Variants in VOPP1 observed in about 807,000 individuals in gnomAD.
The protein encoded by VOPP1 is WW domain binding protein VOPP1.
Under a neutral mutation model 23.5 loss-of-function variants are expected in VOPP1, and 8 were observed. The ratio of observed to expected loss-of-function variants is 0.34; its 90% confidence interval spans 0.20 to 0.61. The LOEUF is 0.61. VOPP1 is among the 20% of genes least tolerant of loss of function. The pLI is 0.78. For synonymous variants in VOPP1, 83 were observed against 97.3 expected (o/e 0.85, Z 0.86); for missense variants, 174 against 238.1 (o/e 0.73, Z 1.77).
intron 2 of VOPP1, among the ~76,000 whole-genome samples, chr7:55,512,440 G>A (rs192207115): frequency 6.6e-6 from 1 of 151,948 alleles, no homozygotes; most frequent in African/African-American, 2.4e-5. Flanking sequence ...AAAAGGAAAA[G>A]AAAAATAAAT....
chr7:55,476,241 T>A (rs1006153093), intron 4 of VOPP1, among the ~76,000 whole-genome samples: 2 of 152,210 alleles, frequency 1.3e-5, no homozygotes, highest in African/African-American at 4.8e-5. Context: ...AGTGGGAGTC[T>A]TGGCATGGTT....
chr7:55,456,053 A>G (rs1323316024), intron 4 of VOPP1, among the ~76,000 whole-genome samples: 3 of 152,212 alleles, frequency 2.0e-5, no homozygotes, highest in Admixed American at 6.5e-5. Flanking sequence ...CAATCTATCC[A>G]TCTGACAAAG....
intron 4 of VOPP1, among the ~76,000 whole-genome samples, chr7:55,465,305 T>C (rs546709967): frequency 6.6e-6 from 1 of 152,326 alleles, no homozygotes; most frequent in South Asian, 2.1e-4. Context: ...AAAGAGGTGG[T>C]TGCCTAAGGT....
At chr7:55,515,056 CCT>C (rs1795315146) in intron 2 of VOPP1, among the ~76,000 whole-genome samples, 2 of 152,184 alleles carry the variant, frequency 1.3e-5, no homozygotes, top group Admixed American at 1.3e-4. Flanking sequence ...ACAGGCACGC[CCT>C]GTCACCTCCA....
intron 4 of VOPP1, among the ~76,000 whole-genome samples, chr7:55,444,650 C>T (rs74483967): frequency 0.035 from 5,327 of 152,244 alleles, 223 homozygotes; most frequent in African/African-American, 0.1. Flanking sequence ...CATGTGTTCA[C>T]CCCATTGTGG....
At chr7:55,495,185 T>C (rs964540587) in intron 3 of VOPP1, among the ~76,000 whole-genome samples, 2 of 152,062 alleles carry the variant, frequency 1.3e-5, no homozygotes, top group Non-Finnish European at 2.9e-5. Context: ...CAGTGCCACC[T>C]AGGCTAGTTC....
chr7:55,444,787 CAA>C (rs1317360264), intron 4 of VOPP1, among the ~76,000 whole-genome samples: 2 of 151,536 alleles, frequency 1.3e-5, no homozygotes, highest in Non-Finnish European at 2.9e-5. Context: ...AAACTCTTAA[CAA>C]GAGATTTTAC....
intron 2 of VOPP1, among the ~76,000 whole-genome samples, chr7:55,516,932 ATTTTTTTTTT>A (rs71031862): frequency 2.7e-4 from 12 of 45,138 alleles, no homozygotes; most frequent in Admixed American, 4.1e-4. Context: ...ATATATATAT[ATTTTTTTTTT>A]TTTTTTTTTT....
At chr7:55,520,999 G>C in intron 2 of VOPP1, 73 bp downstream of exon 2, 2 of 1,502,390 alleles carry the variant, frequency 1.3e-6, no homozygotes, top group Non-Finnish European at 9.0e-7. Context: ...CCCACACCCA[G>C]AACTTTAGCA....
intron 4 of VOPP1, among the ~76,000 whole-genome samples, chr7:55,478,956 A>AG (rs551819801): frequency 6.6e-6 from 1 of 152,058 alleles, no homozygotes; most frequent in Non-Finnish European, 1.5e-5. Context: ...GGAAGAGCTG[A>AG]GGGGGGCAGC....
At chr7:55,531,239 T>C (rs1431419928) in intron 1 of VOPP1, among the ~76,000 whole-genome samples, 1 of 152,236 alleles carries the variant, frequency 6.6e-6, no homozygotes, top group Non-Finnish European at 1.5e-5. Flanking sequence ...GTGCTACTGT[T>C]ATCTGCTGGC....
intron 1 of VOPP1, among the ~76,000 whole-genome samples, chr7:55,536,748 G>C (rs1478896645): frequency 6.6e-6 from 1 of 152,204 alleles, no homozygotes; most frequent in African/African-American, 2.4e-5. Flanking sequence ...CACTGGCCCA[G>C]GCACGGAGCG....
chr7:55,448,712 C>T (rs1791164267), intron 4 of VOPP1, among the ~76,000 whole-genome samples: 2 of 152,238 alleles, frequency 1.3e-5, no homozygotes, highest in Admixed American at 6.5e-5. Context: ...CTGGGGGACT[C>T]AGGTCTCCCG....
At chr7:55,538,081 T>C (rs1462921173) in intron 1 of VOPP1, among the ~76,000 whole-genome samples, 1 of 152,216 alleles carries the variant, frequency 6.6e-6, no homozygotes, top group Non-Finnish European at 1.5e-5. Flanking sequence ...TCTCCCACTT[T>C]AGGGCTTCGA....
At chr7:55,555,992 G>A (rs1584115101) in intron 1 of VOPP1, among the ~76,000 whole-genome samples, 1 of 152,112 alleles carries the variant, frequency 6.6e-6, no homozygotes, top group African/African-American at 2.4e-5. Context: ...CGTAGATTTC[G>A]CCTCTCTAAT....
intron 1 of VOPP1, among the ~76,000 whole-genome samples, chr7:55,559,081 G>T (rs1192595572): frequency 6.6e-6 from 1 of 152,088 alleles, no homozygotes; most frequent in African/African-American, 2.4e-5. Flanking sequence ...GATAGTAACG[G>T]TTTTTTAGTC....
chr7:55,556,757 C>G (rs1562628317), intron 1 of VOPP1, among the ~76,000 whole-genome samples: 1 of 151,988 alleles, frequency 6.6e-6, no homozygotes, highest in Non-Finnish European at 1.5e-5. Context: ...TTGCTCTGTA[C>G]ATTGACTAAA....
At chr7:55,499,663 A>G (rs75345099) in intron 2 of VOPP1, among the ~76,000 whole-genome samples, 1,674 of 152,334 alleles carry the variant, frequency 0.011, 11 homozygotes, top group Middle Eastern at 0.02. Flanking sequence ...CAGGGAGGAC[A>G]TGTGCAGGAG....
intron 3 of VOPP1, among the ~76,000 whole-genome samples, chr7:55,494,726 C>G (rs1220539499): frequency 2.0e-5 from 3 of 152,200 alleles, no homozygotes; most frequent in African/African-American, 4.8e-5. Context: ...ATCCTCCCAC[C>G]TTGGCCTCCC....
Sources: gnomAD v4.1 joint callset for allele counts (sites outside exome capture counted in the v4.1 genomes callset) on GRCh38, gnomAD v4.1.1 for gene constraint, MANE v1.5 for transcripts, NCBI Gene and HGNC (gene_info 2026-07-23, HGNC 2026-07-21) for gene names.